ZFYVE28: variants seen among roughly 807,000 people sequenced by gnomAD.
The protein encoded by ZFYVE28 is lateral signaling target protein 2 homolog.
ZFYVE28 carries 40 observed loss-of-function variants against 82.1 expected under a neutral mutation model. The observed-to-expected ratio is 0.49, with a 90% CI of 0.38 to 0.63. The LOEUF (loss-of-function observed/expected upper bound fraction) is 0.63, where lower values mean the gene tolerates loss of function less well. Ranked by LOEUF, ZFYVE28 falls within the 30% of genes least tolerant of loss-of-function variation. ZFYVE28 has a pLI of 0.00. For synonymous variants in ZFYVE28, 612 were observed against 546.1 expected (o/e 1.12, Z -1.68); for missense variants, 1,321 against 1,242.1 (o/e 1.06, Z -0.96).
Position 2,271,698 on chromosome 4 carries a change from T to C in ZFYVE28, c.2405A>G (p.Lys802Arg), listed in dbSNP as rs772448902. 2 of 1,613,926 alleles carry C rather than the reference T, an allele frequency of 1.2e-6. No individual in the cohort carries two copies. Among genetic ancestry groups the C allele is most frequent in the East Asian group, 4.5e-5 (2 of 44,886 alleles). ...ETLSSSELAA[K>R]TRDGDFEDPP... ...ACCTTCAAAGTCCCCATCGCGGGTC[T>C]TGGCTGCCAGTTCAGAGGATGACAG... The change falls in exon 11 of 13, where the codon AAG becomes AGG. Residue 802 changes from lysine to arginine, a missense_variant. By Grantham distance (26) the Lys-to-Arg change is conservative. Around this residue, in one of 2 missense-constraint regions of ZFYVE28, gnomAD observed 978 missense variants for 833.7 expected, o/e 1.17. Transcript: ENST00000290974.
chr4:2,348,693 T>C (rs1360898470), intron 2 of ZFYVE28, among the ~76,000 whole-genome samples: 1 of 152,222 alleles, frequency 6.6e-6, no homozygotes. Context: ...TGGGATTGGG[T>C]CCTGGCATCT....
intron 6 of ZFYVE28, among the ~76,000 whole-genome samples, chr4:2,326,409 T>C (rs1389128192): frequency 5.9e-5 from 9 of 152,196 alleles, no homozygotes; most frequent in African/African-American, 2.4e-5. Context: ...TTGTTTTGTT[T>C]TTGCCAACTC....
At chr4:2,345,006 T>C (rs1442428300) in intron 2 of ZFYVE28, among the ~76,000 whole-genome samples, 1 of 151,738 alleles carries the variant, frequency 6.6e-6, no homozygotes, top group Admixed American at 6.6e-5. Flanking sequence ...GGTCAGGAGA[T>C]TGAGACCATC....
At position 2,366,220 on chromosome 4, in the gene ZFYVE28, G is replaced by A. The variant is rs1020174336; in HGVS notation, c.40-12147C>T. 3.3e-5 allele frequency among the ~76,000 whole-genome samples: 5 copies of A among 152,216 alleles called. No homozygotes were observed. The East Asian group carries it at 9.6e-4, about 29-fold the overall frequency. On this transcript the variant is annotated intron_variant, in intron 1 of 12. Coordinates refer to ENST00000290974, the MANE Select transcript of ZFYVE28 (RefSeq NM_020972.3). ...CTACACGCACCAAAAACATTCACGT[G>A]TACATTCTGAGATGGAATTTTTAAC...
intron 5 of ZFYVE28, among the ~76,000 whole-genome samples, chr4:2,336,724 A>AAGGAGGTGAGGAGTG (rs1721769843): frequency 7.1e-6 from 1 of 140,920 alleles, no homozygotes; most frequent in South Asian, 2.5e-4. Context: ...GCTAAGGAGT[A>AAGGAGGTGAGGAGTG]AGGAGGTGAG....
Position 2,311,541 on chromosome 4 carries a change from C to T in ZFYVE28, c.804-6005G>A, listed in dbSNP as rs149104338. On this transcript the variant is annotated intron_variant, in intron 7 of 12. Coordinates refer to ENST00000290974, the MANE Select transcript of ZFYVE28 (RefSeq NM_020972.3). The stretch of plus-strand genomic sequence containing the variant: ...ACTCTGCCTCAAACAAACAAAAAAC[C>T]TAACTTTTGGGTTTGTCTTTCCCCT... Among the ~76,000 whole-genome samples the T allele has an allele frequency of 2.1e-4, 32 of 152,192 alleles. No homozygotes were observed. The East Asian group carries it at 6.0e-3, about 28-fold the overall frequency.
chr4:2,403,762 C>T (rs1030816957), intron 1 of ZFYVE28, among the ~76,000 whole-genome samples: 2 of 151,756 alleles, frequency 1.3e-5, no homozygotes, highest in Non-Finnish European at 2.9e-5. Flanking sequence ...GTCAGGAATT[C>T]GACACCAGCC....
At chr4:2,360,716 TG>T in intron 1 of ZFYVE28, among the ~76,000 whole-genome samples, 1 of 152,268 alleles carries the variant, frequency 6.6e-6, no homozygotes, top group Admixed American at 6.5e-5. Flanking sequence ...GAAGAAAATT[TG>T]GGGTACTAAA....
In ZFYVE28 at chr4:2,335,289, G is replaced by A. The variant is rs1478986930; in HGVS notation, c.701+416C>T. On this transcript the variant is annotated intron_variant, in intron 6 of 12. Coordinates refer to ENST00000290974, the MANE Select transcript of ZFYVE28 (RefSeq NM_020972.3). The surrounding 1 kb of genome is among the most constrained non-coding windows in gnomAD (Gnocchi z 5.8). Reference sequence around the variant, plus strand: ...TCAAACAAGCCAATCACAGCCTCCTGAGGGACCCGGGGGGCAGCTCGTCCT... The same window carrying A: ...TCAAACAAGCCAATCACAGCCTCCTAAGGGACCCGGGGGGCAGCTCGTCCT... 2.0e-5 allele frequency among the ~76,000 whole-genome samples: 3 copies of A among 152,048 alleles called. No individual in the cohort carries two copies. The highest frequency in any genetic ancestry group is 2.9e-5 in the Non-Finnish European group (2 of 68,004).
intron 1 of ZFYVE28, among the ~76,000 whole-genome samples, chr4:2,377,812 T>C (rs982199204): frequency 6.6e-6 from 1 of 152,268 alleles, no homozygotes; most frequent in Non-Finnish European, 1.5e-5. Flanking sequence ...GATGTGAATA[T>C]GTTCTCAGAA....
At chr4:2,330,620 G>C in intron 6 of ZFYVE28, 1 of 1,350,212 alleles carries the variant, frequency 7.4e-7, no homozygotes, top group East Asian at 3.0e-5. Flanking sequence ...ATAGACAAGG[G>C]GACAGCATAG....
chr4:2,288,859 G>A (rs547926745), intron 8 of ZFYVE28, among the ~76,000 whole-genome samples: 1 of 152,214 alleles, frequency 6.6e-6, no homozygotes, highest in Non-Finnish European at 1.5e-5. Flanking sequence ...GCACATGCCT[G>A]TGGTCCAAGC....
At chr4:2,343,305 T>C (rs1723078299) in intron 2 of ZFYVE28, 2 of 152,176 alleles carry the variant, frequency 1.3e-5, no homozygotes, top group Admixed American at 6.5e-5. Context: ...ATTGACACTC[T>C]CACCTTGGCA....
intron 1 of ZFYVE28, among the ~76,000 whole-genome samples, chr4:2,374,470 G>A (rs1158577369): frequency 6.6e-6 from 1 of 152,114 alleles, no homozygotes; most frequent in Non-Finnish European, 1.5e-5. Flanking sequence ...AAAATTAGCT[G>A]GATGTAATAA....
intron 1 of ZFYVE28, among the ~76,000 whole-genome samples, chr4:2,371,533 T>C (rs1277179937): frequency 2.6e-5 from 4 of 152,316 alleles, no homozygotes; most frequent in South Asian, 2.1e-4. Context: ...ATATTGACGA[T>C]GTTCCAGAGG....
chr4:2,341,598 G>A lies in ZFYVE28; in HGVS notation c.198C>T (p.Ile66=). The A allele has an allele frequency of 6.2e-7, 1 of 1,611,812 alleles. No individual in the cohort carries two copies. The highest frequency in any genetic ancestry group is 8.5e-7 in the Non-Finnish European group (1 of 1,178,150). ...FRSCQDNVLN[I]INQIMDECIP... ...TGCACTCATCCATGATCTGGTTAAT[G>A]ATGTTCAACACATTGTCCTGAAACA... Residue 66 remains isoleucine, a synonymous_variant, in exon 3 of 13, where the codon ATC becomes ATT. Coordinates refer to ENST00000290974, the MANE Select transcript of ZFYVE28 (RefSeq NM_020972.3). The surrounding 1 kb of genome is among the most constrained non-coding windows in gnomAD (Gnocchi z 4.5).
chr4:2,394,053 G>A lies in ZFYVE28; in HGVS notation c.39+24232C>T, dbSNP rs761651634. 3.3e-5 allele frequency among the ~76,000 whole-genome samples: 5 copies of A among 152,094 alleles called. No homozygotes were observed. The highest frequency in any genetic ancestry group is 5.9e-5 in the Non-Finnish European group (4 of 68,006). On this transcript the variant is annotated intron_variant, in intron 1 of 12. Coordinates refer to ENST00000290974, the MANE Select transcript of ZFYVE28 (RefSeq NM_020972.3). This position sits in a 1 kb window ranked among gnomAD's most constrained non-coding sequence, Gnocchi z 4.0. ...CTTGCACAGCTACTTCCCGACGCAC[G>A]GCCGCCTCCCGGACCTTCAGAGCCA...
intron 1 of ZFYVE28, among the ~76,000 whole-genome samples, chr4:2,414,488 G>C (rs1424160310): frequency 6.6e-6 from 1 of 152,178 alleles, no homozygotes; most frequent in Admixed American, 6.5e-5. Flanking sequence ...ACAAAGCGGG[G>C]GGACAAGAAA....
chr4:2,297,389 G>A (rs1384225937), intron 8 of ZFYVE28, among the ~76,000 whole-genome samples: 4 of 152,222 alleles, frequency 2.6e-5, no homozygotes, highest in Admixed American at 2.6e-4. Context: ...ACTGGCAGAG[G>A]GCAGAGGAGC....
Sources: allele counts gnomAD v4.1 joint callset (sites outside exome capture counted in the v4.1 genomes callset), GRCh38; gene constraint gnomAD v4.1.1; regional missense constraint gnomAD v4.1.1; non-coding constraint Gnocchi (gnomAD v3.1); transcripts MANE v1.5; gene names NCBI Gene and HGNC (gene_info 2026-07-23, HGNC 2026-07-21).